Variants in REPS1 observed in about 807,000 individuals in gnomAD.
REPS1 encodes the protein RALBP1 associated Eps domain containing 1.
REPS1 carries 39 observed loss-of-function variants against 100.9 expected under a neutral mutation model. That is an observed-to-expected ratio of 0.39 (90% confidence interval 0.30 to 0.50). The LOEUF is 0.50. Ranked by LOEUF, REPS1 falls within the 20% of genes least tolerant of loss-of-function variation. REPS1 has a pLI of 0.86. For missense variants in REPS1, 821 were observed against 968.5 expected (o/e 0.85, Z 2.02); for synonymous variants, 324 against 340.3 (o/e 0.95, Z 0.53).
rs747298105 is a variant in REPS1 at position 138,944,626 on chromosome 6, T to C, written c.629-4A>G. 1 of 1,610,954 alleles carries C rather than the reference T, an allele frequency of 6.2e-7. No individual in the cohort carries two copies. Among genetic ancestry groups the C allele is most frequent in the African/African-American group, 1.3e-5 (1 of 74,754 alleles). On this transcript the variant is annotated splice_region_variant and splice_polypyrimidine_tract_variant and intron_variant, in intron 4 of 19. Transcript: ENST00000450536. ...ACTGCATCACCAGCAGAAGAACCTA[T>C]AAGGAGAATGGGTAAACATGCTGAC...
At chr6:138,965,519 A>G (rs1381239483) in intron 1 of REPS1, among the ~76,000 whole-genome samples, 2 of 152,206 alleles carry the variant, frequency 1.3e-5, no homozygotes, top group South Asian at 2.1e-4. Flanking sequence ...AGATAGTCCA[A>G]TAAAATTAAT....
In REPS1 at chr6:138,918,316, A is replaced by T. The variant is rs1056938865; in HGVS notation, c.1529-689T>A. Among the ~76,000 whole-genome samples the T allele has an allele frequency of 3.9e-5, 6 of 152,244 alleles. No homozygotes were observed. In the South Asian group the frequency reaches 1.2e-3, roughly 32 times the overall value. On this transcript the variant is annotated intron_variant, in intron 12 of 19. Transcript: ENST00000450536. The stretch of plus-strand genomic sequence containing the variant: ...AATCTAGAGATTATTTAAAGTATAC[A>T]GGAGGATGTGCATAGGTTACATGCA...
chr6:138,960,915 A>G (rs549876038), intron 1 of REPS1, among the ~76,000 whole-genome samples: 1 of 152,334 alleles, frequency 6.6e-6, no homozygotes, highest in South Asian at 2.1e-4. Context: ...GGTAGCAGAT[A>G]AAAGTTCTTT....
intron 1 of REPS1, among the ~76,000 whole-genome samples, chr6:138,952,664 T>G (rs982538731): frequency 5.3e-5 from 8 of 151,966 alleles, no homozygotes; most frequent in African/African-American, 1.7e-4. Flanking sequence ...TCTCTCAAAG[T>G]GCTAGGATTA....
chr6:138,969,843 GT>G (rs1264879312), intron 1 of REPS1, among the ~76,000 whole-genome samples: 1 of 146,986 alleles, frequency 6.8e-6, no homozygotes, highest in Non-Finnish European at 1.5e-5. Flanking sequence ...AAAGAAAGAG[GT>G]TACTGTGAAT....
intron 1 of REPS1, among the ~76,000 whole-genome samples, chr6:138,951,389 T>C (rs561455914): frequency 6.6e-6 from 1 of 152,252 alleles, no homozygotes; most frequent in East Asian, 1.9e-4. Flanking sequence ...TATAAGAGAT[T>C]AAGTATATTA....
At chr6:138,956,747 C>T (rs1228478935) in intron 1 of REPS1, among the ~76,000 whole-genome samples, 1 of 151,230 alleles carries the variant, frequency 6.6e-6, no homozygotes, top group East Asian at 2.0e-4. Context: ...AACAGCTTAC[C>T]AAAGATCAGT....
chr6:138,982,973 C>T (rs954868829), intron 1 of REPS1, among the ~76,000 whole-genome samples: 1 of 152,116 alleles, frequency 6.6e-6, no homozygotes, highest in Non-Finnish European at 1.5e-5. Flanking sequence ...TAAGTTGATA[C>T]GTAACACAAA....
At chr6:138,931,745 C>T (rs571531250) in intron 8 of REPS1, among the ~76,000 whole-genome samples, 1 of 151,440 alleles carries the variant, frequency 6.6e-6, no homozygotes, top group East Asian at 2.0e-4. Context: ...GTAGCAAATT[C>T]CTCATTGGAT....
In REPS1 at chr6:138,904,778, T is replaced by G; in HGVS notation, c.*286A>C. ...GCCCATTCTATAAATTAAATTGGTG[T>G]GTGGTATTAGCCATAGAAGCATTGC... is the stretch of plus-strand genomic sequence containing the variant. On this transcript the variant is annotated 3_prime_UTR_variant, in exon 20 of 20. Coordinates refer to ENST00000450536, the MANE Select transcript of REPS1 (RefSeq NM_001286611.2). The G allele has an allele frequency of 4.3e-6, 1 of 235,060 alleles. No individual in the cohort carries two copies. The allele number at this position is 235,060 out of a possible 1,614,324, so 14.6% of individuals were successfully genotyped here.
chr6:138,950,791 G>A (rs1045013383), intron 1 of REPS1, among the ~76,000 whole-genome samples: 4 of 151,948 alleles, frequency 2.6e-5, no homozygotes, highest in Non-Finnish European at 5.9e-5. Flanking sequence ...TTTTACTTGG[G>A]GCAGCAACTG....
rs773469500 is a variant in REPS1, at chr6:138,945,269, G to T, written c.578C>A (p.Pro193His). 1 of 1,611,304 alleles carries T rather than the reference G, an allele frequency of 6.2e-7. No homozygotes were observed. Among genetic ancestry groups the T allele is most frequent in the Non-Finnish European group, 8.5e-7 (1 of 1,179,490 alleles). Residue 193 changes from proline to histidine, a missense_variant, in exon 4 of 20, where the codon CCT becomes CAT. Around this residue, in one of 3 missense-constraint regions of REPS1, gnomAD observed 757 missense variants for 866.4 expected, o/e 0.87. Coordinates refer to ENST00000450536, the MANE Select transcript of REPS1 (RefSeq NM_001286611.2). Reference sequence around the variant, plus strand: ...CCAAAATGGCCCAGGTCCCGCGAGAGGCCTCTCACTATTCCCACCGCTGGG... The same window carrying T: ...CCAAAATGGCCCAGGTCCCGCGAGATGCCTCTCACTATTCCCACCGCTGGG... ...RHPSGGNSERPLAGPGPFWSP... is the reference protein window; with the variant it reads ...RHPSGGNSERHLAGPGPFWSP...
intron 1 of REPS1, among the ~76,000 whole-genome samples, chr6:138,968,861 G>T (rs890074864): frequency 2.0e-5 from 3 of 152,008 alleles, no homozygotes; most frequent in African/African-American, 7.3e-5. Flanking sequence ...AATTTTACTA[G>T]CCCCAAGCTG....
At chr6:138,957,779 A>G (rs1266819662) in intron 1 of REPS1, among the ~76,000 whole-genome samples, 2 of 152,226 alleles carry the variant, frequency 1.3e-5, no homozygotes, top group East Asian at 3.8e-4. Context: ...ACCCCAGGGG[A>G]AAAGCTGTAA....
chr6:138,920,336 TA>T lies in REPS1; in HGVS notation c.1427-21del. 1 of 1,313,056 alleles carries T rather than the reference TA, an allele frequency of 7.6e-7. No homozygotes were observed. The allele number at this position is 1,313,056 out of a possible 1,614,324, so 81.3% of individuals were successfully genotyped here. ...TATGATCTAATAGAGAATTAATAGG[TA>T]AAAATACAAGACATAGGTATTTGAA... is the stretch of plus-strand genomic sequence containing the variant. On this transcript the variant is annotated intron_variant, in intron 11 of 19. Transcript: ENST00000450536.
Position 138,983,701 on chromosome 6 carries a change from C to T in REPS1, c.153+3829G>A, listed in dbSNP as rs376675388. Reference sequence around the variant, plus strand: ...TAACAAACACCGAAAACTACTGTACCAACCAAGGTCCTGATATGTATGTGC... The same window carrying T: ...TAACAAACACCGAAAACTACTGTACTAACCAAGGTCCTGATATGTATGTGC... On this transcript the variant is annotated intron_variant, in intron 1 of 19. Coordinates refer to ENST00000450536, the MANE Select transcript of REPS1 (RefSeq NM_001286611.2). Among the ~76,000 whole-genome samples the T allele has an allele frequency of 2.0e-5, 3 of 152,246 alleles. 1 individual carries two copies.
chr6:138,906,825 A>T (rs896302319), intron 19 of REPS1, among the ~76,000 whole-genome samples: 3 of 152,226 alleles, frequency 2.0e-5, no homozygotes, highest in Non-Finnish European at 4.4e-5. Context: ...ACCCAAGATT[A>T]CCTGTATATG....
At chr6:138,916,069 C>G in intron 13 of REPS1, 93 bp from the exon 14 acceptor site, 2 of 890,296 alleles carry the variant, frequency 2.2e-6, no homozygotes, top group Non-Finnish European at 3.8e-6. Flanking sequence ...AGCAAAGGAT[C>G]TTATTAGCAT....
At chr6:138,907,312 AAGTGT>A (rs1562506249) in intron 19 of REPS1, 178 bp downstream of exon 19, 36 of 105,678 alleles carry the variant, frequency 3.4e-4, no homozygotes, top group East Asian at 6.4e-4. Context: ...AAAAAAAAAA[AAGTGT>A]GTGTGTGTGT....
Sources: gnomAD v4.1 joint callset for allele counts (sites outside exome capture counted in the v4.1 genomes callset) on GRCh38, gnomAD v4.1.1 for gene constraint, gnomAD v4.1.1 regional missense constraint, MANE v1.5 for transcripts, NCBI Gene and HGNC (gene_info 2026-07-23, HGNC 2026-07-21) for gene names.